The following FANCC variants were observed in gnomAD, a reference collection of about 807,000 sequenced individuals.
The protein encoded by FANCC is FA complementation group C.
Under a neutral mutation model 71.3 loss-of-function variants are expected in FANCC, and 55 were observed. That is an observed-to-expected ratio of 0.77 (90% CI 0.62 to 0.97). The LOEUF is 0.97. FANCC is among the 50% of genes least tolerant of loss of function. The pLI is 0.00. For synonymous variants in FANCC, 275 were observed against 244.9 expected (o/e 1.12, Z -1.15); for missense variants, 678 against 670.9 (o/e 1.01, Z -0.12).
At chr9:95,162,189 G>A (rs1830792155) in intron 6 of FANCC, among the ~76,000 whole-genome samples, 1 of 152,178 alleles carries the variant, frequency 6.6e-6, no homozygotes, top group African/African-American at 2.4e-5. Flanking sequence ...CCACACATAA[G>A]TGTAAGTAAT....
At chr9:95,197,827 G>C (rs1306784272) in intron 4 of FANCC, among the ~76,000 whole-genome samples, 2 of 152,190 alleles carry the variant, frequency 1.3e-5, no homozygotes, top group Non-Finnish European at 2.9e-5. Flanking sequence ...AAGAAACAAA[G>C]TCTCAAGCCT....
intron 6 of FANCC, among the ~76,000 whole-genome samples, chr9:95,164,631 T>A (rs1014574067): frequency 1.3e-5 from 2 of 152,164 alleles, no homozygotes; most frequent in African/African-American, 4.8e-5. Context: ...CATCCTTGTA[T>A]TCAAGGAATA....
intron 4 of FANCC, among the ~76,000 whole-genome samples, chr9:95,180,871 T>C (rs75154856): frequency 0.015 from 2,271 of 152,230 alleles, 57 homozygotes; most frequent in African/African-American, 0.051. Flanking sequence ...ATGATGTCCC[T>C]AGGTCATAGA....
At chr9:95,214,886 T>A (rs1021972291) in intron 4 of FANCC, among the ~76,000 whole-genome samples, 65 of 152,278 alleles carry the variant, frequency 4.3e-4, no homozygotes, top group African/African-American at 1.5e-3. Context: ...TGTTTCACAA[T>A]ATGAAAAGAG....
intron 4 of FANCC, among the ~76,000 whole-genome samples, chr9:95,204,887 C>T (rs1355876238): frequency 1.3e-5 from 2 of 152,082 alleles, no homozygotes; most frequent in South Asian, 2.1e-4. Context: ...CAGAATGGAA[C>T]GTACCATAGA....
intron 1 of FANCC, among the ~76,000 whole-genome samples, chr9:95,302,880 T>TC (rs1787887402): frequency 6.6e-6 from 1 of 152,204 alleles, no homozygotes; most frequent in Non-Finnish European, 1.5e-5. Context: ...AGTTATAGAC[T>TC]CAGTATGCAT....
chr9:95,132,338 C>T (rs1471523766), intron 8 of FANCC, among the ~76,000 whole-genome samples: 1 of 152,328 alleles, frequency 6.6e-6, no homozygotes, highest in African/African-American at 2.4e-5. Flanking sequence ...AACATAACAT[C>T]CTTCTAATTT....
Position 95,125,284 on chromosome 9 carries a change from T to C in FANCC, c.897-99A>G, listed in dbSNP as rs573724946. On this transcript the variant is annotated intron_variant, in intron 9 of 14. Coordinates refer to ENST00000289081, the MANE Select transcript of FANCC (RefSeq NM_000136.3). ...GGGAAAAGTAGAAACACTTTTTTTG[T>C]GCCATAAGCTTCAGCAGTATCTCAA... The C allele has an allele frequency of 9.8e-6, 9 of 917,432 alleles. No individual in the cohort carries two copies. The Admixed American group carries it at 1.7e-4, about 17-fold the overall frequency. The allele number at this position is 917,432 out of a possible 1,614,324, so 56.8% of individuals were successfully genotyped here.
chr9:95,129,341 A>G (rs900472184), intron 8 of FANCC, among the ~76,000 whole-genome samples: 9 of 152,170 alleles, frequency 5.9e-5, no homozygotes, highest in African/African-American at 1.9e-4. Context: ...CACAAAAGCA[A>G]TCTTAAGCTG....
intron 8 of FANCC, among the ~76,000 whole-genome samples, chr9:95,135,043 T>C (rs1827466128): frequency 6.6e-6 from 1 of 152,252 alleles, no homozygotes; most frequent in Non-Finnish European, 1.5e-5. Flanking sequence ...CAAAAACTTA[T>C]TTTCCATGCT....
At chr9:95,292,596 G>T (rs1834108305) in intron 1 of FANCC, 1 of 1,461,120 alleles carries the variant, frequency 6.8e-7, no homozygotes, top group Non-Finnish European at 9.5e-7. Flanking sequence ...CCTGTGCACC[G>T]TGCGCGGCTG....
chr9:95,115,031 C>T (rs2072275622), intron 11 of FANCC, among the ~76,000 whole-genome samples: 1 of 152,210 alleles, frequency 6.6e-6, no homozygotes, highest in Non-Finnish European at 1.5e-5. Flanking sequence ...GCCCCAACCT[C>T]CTGGGCTCAA....
chr9:95,159,333 A>T (rs561260797), intron 6 of FANCC, among the ~76,000 whole-genome samples: 12 of 152,294 alleles, frequency 7.9e-5, no homozygotes, highest in African/African-American at 2.6e-4. Context: ...GTTTCCAGCT[A>T]CATCCATGTC....
At chr9:95,112,139 G>A (rs1042695345) in intron 12 of FANCC, among the ~76,000 whole-genome samples, 1 of 152,254 alleles carries the variant, frequency 6.6e-6, no homozygotes, top group Non-Finnish European at 1.5e-5. Flanking sequence ...GAAAGTTGAA[G>A]TGTTTGTGAA....
At chr9:95,273,818 A>G (rs915312290) in intron 1 of FANCC, among the ~76,000 whole-genome samples, 1 of 152,200 alleles carries the variant, frequency 6.6e-6, no homozygotes, top group Non-Finnish European at 1.5e-5. Context: ...CTCATCCCAC[A>G]AAGATTGGTG....
rs1289228541 is a variant in FANCC at position 95,100,457 on chromosome 9, G to A, written c.*1250C>T. ...CAAAACTTTGCTCATACCTCAAAACGGAGCCAAGACTCAGACTAATACACA... is the reference window on the plus strand; with the variant it reads ...CAAAACTTTGCTCATACCTCAAAACAGAGCCAAGACTCAGACTAATACACA... On this transcript the variant is annotated 3_prime_UTR_variant, in exon 15 of 15. Coordinates refer to ENST00000289081, the MANE Select transcript of FANCC (RefSeq NM_000136.3). 1 of 231,236 alleles carries A rather than the reference G, an allele frequency of 4.3e-6. No individual in the cohort carries two copies. Among genetic ancestry groups the A allele is most frequent in the Non-Finnish European group, 8.6e-6 (1 of 116,940 alleles). 14.3% of individuals were successfully genotyped at this position (231,236 alleles called of 1,614,324 possible).
chr9:95,125,650 G>GCAAAA (rs1329473526), intron 9 of FANCC, among the ~76,000 whole-genome samples: 1 of 152,088 alleles, frequency 6.6e-6, no homozygotes, highest in Admixed American at 6.5e-5. Flanking sequence ...GTTTGTTTAA[G>GCAAAA]CAAAACAAAA....
intron 4 of FANCC, among the ~76,000 whole-genome samples, chr9:95,190,962 G>C (rs1029381041): frequency 6.6e-6 from 1 of 151,910 alleles, no homozygotes; most frequent in Non-Finnish European, 1.5e-5. Context: ...TCTGTGCTGG[G>C]GTCTTCTGTC....
intron 4 of FANCC, among the ~76,000 whole-genome samples, chr9:95,184,841 T>C (rs191380593): frequency 1.3e-5 from 2 of 152,350 alleles, no homozygotes; most frequent in Non-Finnish European, 2.9e-5. Flanking sequence ...ACACGAGTGG[T>C]AGACGTGCAA....
Sources: gnomAD v4.1 joint callset for allele counts (sites outside exome capture counted in the v4.1 genomes callset) on GRCh38, gnomAD v4.1.1 for gene constraint, MANE v1.5 for transcripts, NCBI Gene and HGNC (gene_info 2026-07-23, HGNC 2026-07-21) for gene names.